ARID1A: variants seen among roughly 807,000 people sequenced by gnomAD.
ARID1A encodes the protein AT-rich interactive domain-containing protein 1A.
A neutral mutation model predicts 212.6 loss-of-function variants in ARID1A; 20 were observed. The observed-to-expected ratio is 0.09, with a 90% CI of 0.07 to 0.14. The LOEUF (loss-of-function observed/expected upper bound fraction) is 0.14, where lower values mean the gene tolerates loss of function less well. Among genes scored for constraint, ARID1A ranks in the 10% least tolerant of loss-of-function variants. The pLI is 1.00. For synonymous variants in ARID1A, 1,376 were observed against 1,222.1 expected (o/e 1.13, Z -2.63); for missense variants, 2,587 against 3,059.0 (o/e 0.85, Z 3.64).
intron 4 of ARID1A, among the ~76,000 whole-genome samples, chr1:26,735,676 C>T (rs1025636957): frequency 6.6e-6 from 1 of 152,180 alleles, no homozygotes; most frequent in Non-Finnish European, 1.5e-5. Context: ...CTTTCTCATT[C>T]AGTAGGTCTG....
intron 4 of ARID1A, among the ~76,000 whole-genome samples, chr1:26,747,069 AC>A (rs1002765904): frequency 1.1e-4 from 16 of 152,232 alleles, no homozygotes; most frequent in Admixed American, 2.6e-4. Flanking sequence ...AACAAAAAAA[AC>A]AACACCATAC....
chr1:26,722,628 C>T (rs1381998652), intron 1 of ARID1A, among the ~76,000 whole-genome samples: 1 of 152,132 alleles, frequency 6.6e-6, no homozygotes, highest in African/African-American at 2.4e-5. Context: ...TAGTTGCAAA[C>T]TAGTTGTTGA....
rs2124122069 is a variant in ARID1A at position 26,774,982 on chromosome 1, A to G, written c.4755A>G (p.Val1585=). The change falls in exon 18 of 20, where the codon GTA becomes GTG. Residue 1585 remains valine, a synonymous_variant. Transcript: ENST00000324856. This position sits in a 1 kb window ranked among gnomAD's most constrained non-coding sequence, Gnocchi z 5.6. ...PPSMQNHIPQ[V]SSPAPLPRPM... is the part of the protein sequence containing the mutation. ...GCATGCAGAATCACATTCCTCAGGT[A>G]TCCAGCCCTGCTCCCCTGCCCCGGC... 6.6e-7 allele frequency: 1 copy of G among 1,519,664 alleles called. No homozygotes were observed. Among genetic ancestry groups the G allele is most frequent in the Non-Finnish European group, 8.8e-7 (1 of 1,132,140 alleles). The allele number at this position is 1,519,664 out of a possible 1,614,324, so 94.1% of individuals were successfully genotyped here.
rs1411417459 is a variant in ARID1A, at chr1:26,781,694, C to T, written c.*938C>T. The stretch of plus-strand genomic sequence containing the variant: ...TCCCAGCTACCCCTTTATAGTATGA[C>T]GAGTTAACAAGTTGGTGACCTGCAC... On this transcript the variant is annotated 3_prime_UTR_variant, in exon 20 of 20. Coordinates refer to ENST00000324856, the MANE Select transcript of ARID1A (RefSeq NM_006015.6). The T allele has an allele frequency of 1.3e-5, 3 of 233,606 alleles. No homozygotes were observed. Among genetic ancestry groups the T allele is most frequent in the Admixed American group, 5.6e-5 (1 of 17,782 alleles). 14.5% of individuals were successfully genotyped at this position (233,606 alleles called of 1,614,324 possible).
At chr1:26,715,292 G>C (rs2080492027) in intron 1 of ARID1A, among the ~76,000 whole-genome samples, 1 of 152,156 alleles carries the variant, frequency 6.6e-6, no homozygotes, top group Non-Finnish European at 1.5e-5. Context: ...ACAAAAGTTG[G>C]AATGTGCACA....
intron 10 of ARID1A, among the ~76,000 whole-genome samples, chr1:26,767,408 G>A (rs1384906538): frequency 1.3e-5 from 2 of 152,190 alleles, no homozygotes; most frequent in Non-Finnish European, 2.9e-5. Flanking sequence ...TAGTAGTGTG[G>A]GAGCAGTAGT....
At chr1:26,710,165 G>T (rs1445280996) in intron 1 of ARID1A, among the ~76,000 whole-genome samples, 1 of 147,566 alleles carries the variant, frequency 6.8e-6, no homozygotes, top group African/African-American at 2.5e-5. Flanking sequence ...GCCGGGTGCG[G>T]TGGCTCATGC....
chr1:26,780,558 C>G lies in ARID1A; in HGVS notation c.6660C>G (p.Asn2220Lys), dbSNP rs948055979. 1.5e-5 allele frequency: 24 copies of G among 1,614,146 alleles called. No homozygotes were observed. Among genetic ancestry groups the G allele is most frequent in the Non-Finnish European group, 2.0e-5 (24 of 1,179,962 alleles). ...QSQASLLHMQ[N>K]PPFEPTSVDM... ...AGGCCAGCCTCCTCCACATGCAGAA[C>G]CCACCCTTTGAGCCAACTAGTGTGG... The change falls in exon 20 of 20, where the codon AAC becomes AAG. Residue 2220 changes from asparagine to lysine, a missense_variant. Transcript: ENST00000324856. This position sits in a 1 kb window ranked among gnomAD's most constrained non-coding sequence, Gnocchi z 7.2.
chr1:26,750,817 A>C (rs920027424), intron 4 of ARID1A, among the ~76,000 whole-genome samples: 2 of 151,950 alleles, frequency 1.3e-5, no homozygotes, highest in African/African-American at 4.8e-5. Flanking sequence ...GTCCTCTTAC[A>C]CATTAAGTAC....
intron 8 of ARID1A, chr1:26,765,279 C>T (rs986649373): frequency 6.6e-6 from 1 of 151,588 alleles, no homozygotes; most frequent in Admixed American, 6.6e-5. Flanking sequence ...GAGGTCAGGA[C>T]ATCGAGACCA....
chr1:26,754,681 A>G (rs1305999782), intron 4 of ARID1A, among the ~76,000 whole-genome samples: 1 of 152,214 alleles, frequency 6.6e-6, no homozygotes, highest in Non-Finnish European at 1.5e-5. Context: ...CTCAGTTCAT[A>G]TAGTGTCACA....
chr1:26,724,737 G>C (rs1218038102), intron 1 of ARID1A, among the ~76,000 whole-genome samples: 1 of 152,180 alleles, frequency 6.6e-6, no homozygotes, highest in Admixed American at 6.5e-5. Flanking sequence ...TAGCCAGCTA[G>C]TCTGGAGGGT....
intron 4 of ARID1A, among the ~76,000 whole-genome samples, chr1:26,755,539 C>G (rs1162385184): frequency 6.6e-6 from 1 of 152,182 alleles, no homozygotes. Flanking sequence ...CACCTCTTTG[C>G]CAGCCACAGA....
chr1:26,746,122 G>A (rs527453488), intron 4 of ARID1A, among the ~76,000 whole-genome samples: 1 of 152,322 alleles, frequency 6.6e-6, no homozygotes, highest in South Asian at 2.1e-4. Flanking sequence ...TTTGGAGAAA[G>A]GGAAGGAGTT....
At chr1:26,713,754 C>T (rs1443871508) in intron 1 of ARID1A, among the ~76,000 whole-genome samples, 2 of 152,204 alleles carry the variant, frequency 1.3e-5, no homozygotes, top group Non-Finnish European at 2.9e-5. Context: ...TGGTCTCTAC[C>T]TCTTCTCATT....
rs1490783133 is a variant in ARID1A, at chr1:26,771,245, C to T, written c.3325C>T (p.Arg1109Trp). The T allele has an allele frequency of 1.2e-6, 2 of 1,614,152 alleles. No homozygotes were observed. Among genetic ancestry groups the T allele is most frequent in the Admixed American group, 1.7e-5 (1 of 60,020 alleles). ...CTATGCCTTTGAATGCAAGATTGAA[C>T]GGGGAGAAGACCCTCCCCCAGACAT... The part of the protein sequence containing the change: ...CLYAFECKIE[R>W]GEDPPPDIFA... Residue 1109 changes from arginine to tryptophan, a missense_variant, in exon 12 of 20, where the codon CGG becomes TGG. Around this residue, in one of 11 missense-constraint regions of ARID1A, gnomAD observed 8 missense variants for 19.3 expected, o/e 0.42. Coordinates refer to ENST00000324856, the MANE Select transcript of ARID1A (RefSeq NM_006015.6). The surrounding 1 kb of genome is among the most constrained non-coding windows in gnomAD (Gnocchi z 5.4).
chr1:26,770,288 C>G (rs2124093179), intron 11 of ARID1A: 1 of 152,072 alleles, frequency 6.6e-6, no homozygotes, highest in Admixed American at 6.5e-5. Flanking sequence ...GGTTATTTGT[C>G]AATGAGATAT....
intron 1 of ARID1A, 74 bp downstream of exon 1, chr1:26,697,614 C>G: frequency 1.6e-6 from 2 of 1,243,884 alleles, no homozygotes; most frequent in Non-Finnish European, 2.0e-6. Flanking sequence ...GTGAGCGGGC[C>G]ACAGCCTTGG....
rs2124104673 is a variant in ARID1A at position 26,772,596 on chromosome 1, C to T, written c.3503C>T (p.Thr1168Ile). The T allele has an allele frequency of 6.2e-7, 1 of 1,614,234 alleles. No individual in the cohort carries two copies. The highest frequency in any genetic ancestry group is 8.5e-7 in the Non-Finnish European group (1 of 1,180,050). Residue 1168 changes from threonine (T) to isoleucine (I), a missense_variant, in exon 13 of 20, where the codon ACA (threonine) becomes ATA (isoleucine). Coordinates refer to ENST00000324856, the MANE Select transcript of ARID1A (RefSeq NM_006015.6). Reference protein sequence around the residue: ...GDLKPPTPASTPHSQIPPLPG... With the variant: ...GDLKPPTPASIPHSQIPPLPG... ...TTAAAGCCACCAACTCCAGCATCCA[C>T]ACCACACAGTCAGATCCCCCCATTG...
Sources: gnomAD v4.1 joint callset for allele counts (sites outside exome capture counted in the v4.1 genomes callset) on GRCh38, gnomAD v4.1.1 for gene constraint, gnomAD v4.1.1 regional missense constraint, Gnocchi (gnomAD v3.1) non-coding constraint, MANE v1.5 for transcripts, NCBI Gene and HGNC (gene_info 2026-07-23, HGNC 2026-07-21) for gene names.